SMG7: variants seen among roughly 807,000 people sequenced by gnomAD.
SMG7 encodes SMG7 nonsense mediated mRNA decay factor.
Under a neutral mutation model 148.2 loss-of-function variants are expected in SMG7, and 34 were observed. That is an observed-to-expected ratio of 0.23 (90% confidence interval 0.17 to 0.31). SMG7 has a LOEUF of 0.31. SMG7 is among the 10% of genes least tolerant of loss of function. The pLI is 1.00. For missense variants in SMG7, 1,114 were observed against 1,408.4 expected (o/e 0.79, Z 3.35); for synonymous variants, 492 against 515.1 (o/e 0.96, Z 0.61).
At chr1:183,510,821 C>A (rs1312528858) in intron 1 of SMG7, among the ~76,000 whole-genome samples, 1 of 151,768 alleles carries the variant, frequency 6.6e-6, no homozygotes, top group Non-Finnish European at 1.5e-5. Context: ...GTAAAAATTT[C>A]AAAACCTTAA....
intron 4 of SMG7, among the ~76,000 whole-genome samples, chr1:183,519,163 A>G (rs908999190): frequency 6.6e-6 from 1 of 152,216 alleles, no homozygotes; most frequent in African/African-American, 2.4e-5. Flanking sequence ...ACTGTACTCC[A>G]GCCAGAGCAA....
intron 17 of SMG7, 103 bp downstream of exon 17, chr1:183,546,440 T>A: frequency 8.1e-7 from 1 of 1,238,780 alleles, no homozygotes; most frequent in Non-Finnish European, 1.1e-6. Flanking sequence ...CTCTTATTCG[T>A]TAGTACTATA....
intron 1 of SMG7, among the ~76,000 whole-genome samples, chr1:183,474,172 T>TGGAAACC (rs1651495030): frequency 6.6e-6 from 1 of 152,312 alleles, no homozygotes; most frequent in Admixed American, 6.5e-5. Context: ...TATAGAGAGA[T>TGGAAACC]GGAAACCATC....
intron 1 of SMG7, among the ~76,000 whole-genome samples, chr1:183,494,830 A>C (rs2102248995): frequency 8.2e-6 from 1 of 121,550 alleles, no homozygotes; most frequent in Non-Finnish European, 1.6e-5. Flanking sequence ...GCAGTGGTGC[A>C]ATCTCGGCTC....
chr1:183,544,490 C>T lies in SMG7; in HGVS notation c.1980C>T (p.Ser660=). 6.2e-7 allele frequency: 1 copy of T among 1,613,522 alleles called. No individual in the cohort carries two copies. The highest frequency in any genetic ancestry group is 1.3e-5 in the African/African-American group (1 of 75,024). ...HHPGAFPPLP[S]RPGFPPPTYV... is the part of the protein sequence containing the mutation. ...CTGGAGCCTTCCCTCCTCTTCCCAG[C>T]AGGCCAGGTAAATATGTTTTGTAAT... Residue 660 remains serine (S), a synonymous_variant, in exon 15 of 23, where the codon AGC becomes AGT. Transcript: ENST00000688051.
chr1:183,549,347 T>C, intron 19 of SMG7, 59 bp downstream of exon 19: 1 of 1,179,064 alleles, frequency 8.5e-7, no homozygotes, highest in Non-Finnish European at 1.3e-6. Flanking sequence ...TCATTGTCTT[T>C]CTCATACTGT....
chr1:183,516,098 CT>C (rs1339644010), intron 3 of SMG7, 107 bp downstream of exon 3: 2 of 702,300 alleles, frequency 2.8e-6, no homozygotes, highest in East Asian at 5.2e-5. Flanking sequence ...GCAGAATAAA[CT>C]TTTTCAATGG....
At chr1:183,513,662 G>A (rs1345742696) in intron 2 of SMG7, among the ~76,000 whole-genome samples, 4 of 151,976 alleles carry the variant, frequency 2.6e-5, no homozygotes, top group African/African-American at 4.8e-5. Flanking sequence ...GAGCCACTGC[G>A]CCTGGCCATC....
At chr1:183,496,986 T>C (rs1489613656) in intron 1 of SMG7, among the ~76,000 whole-genome samples, 1 of 152,196 alleles carries the variant, frequency 6.6e-6, no homozygotes, top group African/African-American at 2.4e-5. Flanking sequence ...GACTTGTTAC[T>C]CTTAACACTC....
chr1:183,518,292 C>T (rs762779818), intron 4 of SMG7, among the ~76,000 whole-genome samples: 4 of 150,830 alleles, frequency 2.7e-5, no homozygotes, highest in African/African-American at 4.9e-5. Flanking sequence ...AAAAAAAAAA[C>T]GCTGTGCTTT....
intron 14 of SMG7, among the ~76,000 whole-genome samples, chr1:183,543,826 A>G (rs1669407536): frequency 1.3e-5 from 2 of 152,154 alleles, no homozygotes; most frequent in Admixed American, 6.6e-5. Flanking sequence ...TGCTGAAAGT[A>G]TCCTTATTTA....
At chr1:183,494,943 C>T (rs770866382) in intron 1 of SMG7, among the ~76,000 whole-genome samples, 35 of 151,562 alleles carry the variant, frequency 2.3e-4, no homozygotes, top group South Asian at 1.0e-3. Context: ...ATTCTCCTGC[C>T]TCAGCCTCCC....
At chr1:183,510,667 T>C (rs924299812) in intron 1 of SMG7, among the ~76,000 whole-genome samples, 3 of 152,132 alleles carry the variant, frequency 2.0e-5, no homozygotes, top group Non-Finnish European at 4.4e-5. Flanking sequence ...TTGCTTTACA[T>C]TTTAATGAAA....
intron 4 of SMG7, among the ~76,000 whole-genome samples, chr1:183,521,461 A>G (rs1017132622): frequency 1.3e-5 from 2 of 152,194 alleles, no homozygotes; most frequent in African/African-American, 2.4e-5. Flanking sequence ...GTTACTAACA[A>G]TAGTGTTCCA....
At chr1:183,508,638 G>A (rs1267017360) in intron 1 of SMG7, among the ~76,000 whole-genome samples, 1 of 151,962 alleles carries the variant, frequency 6.6e-6, no homozygotes, top group African/African-American at 2.4e-5. Flanking sequence ...GTTGCTTAGG[G>A]GTGGGAAGAT....
At chr1:183,542,631 A>T (rs1054089876) in intron 14 of SMG7, 129 bp downstream of exon 14, 7 of 696,202 alleles carry the variant, frequency 1.0e-5, no homozygotes, top group Admixed American at 3.0e-5. Flanking sequence ...ATTGCATAGT[A>T]AGGTTATATA....
chr1:183,493,246 A>G (rs1409413111), intron 1 of SMG7, among the ~76,000 whole-genome samples: 1 of 152,178 alleles, frequency 6.6e-6, no homozygotes, highest in African/African-American at 2.4e-5. Context: ...AAGTGTTGAG[A>G]TTACAGGTGT....
intron 1 of SMG7, among the ~76,000 whole-genome samples, chr1:183,499,458 A>T (rs1304365659): frequency 6.6e-6 from 1 of 152,132 alleles, no homozygotes; most frequent in Non-Finnish European, 1.5e-5. Flanking sequence ...GTAGTCGTAG[A>T]TCATTATTGT....
chr1:183,552,747 T>C lies in SMG7; in HGVS notation c.*816T>C, dbSNP rs1277428735. The C allele has an allele frequency of 7.3e-7, 1 of 1,370,622 alleles. No homozygotes were observed. The highest frequency in any genetic ancestry group is 3.2e-5 in the Admixed American group (1 of 31,588). The allele number at this position is 1,370,622 out of a possible 1,614,324, so 84.9% of individuals were successfully genotyped here. A position where few individuals can be genotyped will look rare whatever the true frequency, so the allele number is the denominator to read the frequency against. ...AAATTACGTTTTTGATTCCTGTACA[T>C]TTTACAGTCGCACAGCAAGCAGTCT... On this transcript the variant is annotated 3_prime_UTR_variant, in exon 23 of 23. Transcript: ENST00000688051.
Sources: allele counts gnomAD v4.1 joint callset (sites outside exome capture counted in the v4.1 genomes callset), GRCh38; gene constraint gnomAD v4.1.1; transcripts MANE v1.5; gene names NCBI Gene and HGNC (gene_info 2026-07-23, HGNC 2026-07-21).